Variants in RBFOX1 observed in about 807,000 individuals in gnomAD.
RBFOX1 encodes RNA binding protein fox-1 homolog 1.
RBFOX1 carries 8 observed loss-of-function variants against 57.7 expected under a neutral mutation model. That is an observed-to-expected ratio of 0.14 (90% CI 0.08 to 0.25). The LOEUF is 0.25. RBFOX1 is among the 10% of genes least tolerant of loss of function. The pLI is 1.00. For missense variants in RBFOX1, 611 were observed against 548.5 expected, an observed-to-expected ratio of 1.11 and a Z score of -1.14; for synonymous variants, 326 against 222.4, an observed-to-expected ratio of 1.47 and a Z score of -4.15.
chr16:7,566,272 T>C (rs1286008747), intron 5 of RBFOX1, among the ~76,000 whole-genome samples: 2 of 152,144 alleles, frequency 1.3e-5, no homozygotes, highest in African/African-American at 4.8e-5. Context: ...TGATTGCTTT[T>C]TAATTGGTTG....
intron 4 of RBFOX1, among the ~76,000 whole-genome samples, chr16:7,467,002 CAG>C (rs2060642120): frequency 6.6e-6 from 1 of 152,170 alleles, no homozygotes; most frequent in Non-Finnish European, 1.5e-5. Context: ...ACCTGGAAAA[CAG>C]AGGCGAACCA....
chr16:6,908,527 C>G (rs910071372), intron 3 of RBFOX1, among the ~76,000 whole-genome samples: 2 of 152,202 alleles, frequency 1.3e-5, no homozygotes, highest in Non-Finnish European at 2.9e-5. Flanking sequence ...ACTCACTTAT[C>G]AGGTTCACCT....
chr16:6,572,125 A>G (rs1030199648), intron 2 of RBFOX1, among the ~76,000 whole-genome samples: 2 of 152,226 alleles, frequency 1.3e-5, no homozygotes, highest in African/African-American at 4.8e-5. Flanking sequence ...GTATTAGAAC[A>G]TAATCTCATT....
chr16:6,534,537 C>T (rs1259775169), intron 2 of RBFOX1, among the ~76,000 whole-genome samples: 1 of 152,152 alleles, frequency 6.6e-6, no homozygotes, highest in Non-Finnish European at 1.5e-5. Context: ...AAAGGACATC[C>T]TGTTCACAGC....
intron 4 of RBFOX1, among the ~76,000 whole-genome samples, chr16:7,378,740 T>C (rs544427003): frequency 1.3e-4 from 20 of 152,354 alleles, no homozygotes; most frequent in African/African-American, 4.8e-4. Context: ...TTCTGCTGCT[T>C]TTCTCAATGG....
chr16:7,322,788 C>T (rs2096562581), intron 4 of RBFOX1, among the ~76,000 whole-genome samples: 1 of 152,170 alleles, frequency 6.6e-6, no homozygotes, highest in African/African-American at 2.4e-5. Flanking sequence ...GCCTCAGCTT[C>T]ACAAAAAAAG....
intron 4 of RBFOX1, among the ~76,000 whole-genome samples, chr16:7,217,951 TG>T (rs2092365368): frequency 2.6e-5 from 4 of 151,784 alleles, no homozygotes; most frequent in East Asian, 1.9e-4. Context: ...TGTGTGTGTG[TG>T]CACATGTGTA....
chr16:7,579,809 G>T lies in RBFOX1; in HGVS notation c.303G>T (p.Gln101His). The change falls in exon 6 of 16, where the codon CAG becomes CAT. Residue 101 changes from glutamine (Q) to histidine (H), a missense_variant. Around this residue, in one of 3 missense-constraint regions of RBFOX1, gnomAD observed 245 missense variants for 159.1 expected, o/e 1.54. Coordinates refer to ENST00000550418, the MANE Select transcript of RBFOX1 (RefSeq NM_018723.4). The stretch of plus-strand genomic sequence containing the variant: ...ATGACGCAGCACCGACGGATGGCCA[G>T]CCCCAGACACAACCTTCTGAAAACA... ...QTDDAAPTDG[Q>H]PQTQPSENTE... 1 of 1,614,102 alleles carries T rather than the reference G, an allele frequency of 6.2e-7. No homozygotes were observed. Among genetic ancestry groups the T allele is most frequent in the Non-Finnish European group, 8.5e-7 (1 of 1,179,986 alleles).
At chr16:7,628,945 T>C (rs902836003) in intron 10 of RBFOX1, among the ~76,000 whole-genome samples, 2 of 152,130 alleles carry the variant, frequency 1.3e-5, no homozygotes, top group Admixed American at 6.5e-5. Context: ...AAGAAAGAAC[T>C]ATTAGTTTAG....
chr16:6,512,906 C>G (rs575446037), intron 2 of RBFOX1, among the ~76,000 whole-genome samples: 10 of 152,286 alleles, frequency 6.6e-5, no homozygotes, highest in African/African-American at 2.4e-4. Flanking sequence ...GAGAGAATGT[C>G]AACTCTGCAT....
At chr16:7,309,491 C>G (rs1275949039) in intron 4 of RBFOX1, among the ~76,000 whole-genome samples, 2 of 152,232 alleles carry the variant, frequency 1.3e-5, no homozygotes, top group African/African-American at 4.8e-5. Flanking sequence ...TGTGTTATAA[C>G]ATGCAACTGG....
chr16:7,705,699 A>T (rs528680018), intron 14 of RBFOX1, among the ~76,000 whole-genome samples: 2 of 152,148 alleles, frequency 1.3e-5, no homozygotes, highest in Non-Finnish European at 2.9e-5. Flanking sequence ...AGATGGACAG[A>T]CTTGAGAGAT....
At chr16:6,556,491 T>C (rs2097099931) in intron 2 of RBFOX1, among the ~76,000 whole-genome samples, 1 of 152,204 alleles carries the variant, frequency 6.6e-6, no homozygotes, top group African/African-American at 2.4e-5. Context: ...GTCTCATTTG[T>C]TCCCAGGAAG....
chr16:5,651,279 C>G (rs937287676), intron 3 of RBFOX1, among the ~76,000 whole-genome samples: 11 of 152,096 alleles, frequency 7.2e-5, no homozygotes, highest in African/African-American at 2.6e-4. Flanking sequence ...TCTGGAACTC[C>G]TGGCCTCACG....
intron 2 of RBFOX1, among the ~76,000 whole-genome samples, chr16:6,453,359 G>A (rs566552096): frequency 8.5e-4 from 129 of 152,160 alleles, no homozygotes; most frequent in African/African-American, 2.9e-3. Flanking sequence ...GAAAACATGC[G>A]GTGTTTGGTT....
At chr16:6,374,309 T>G (rs568691654) in intron 2 of RBFOX1, among the ~76,000 whole-genome samples, 2 of 152,318 alleles carry the variant, frequency 1.3e-5, no homozygotes, top group East Asian at 3.9e-4. Context: ...CCACACAATT[T>G]GGGATCATTT....
chr16:5,623,598 A>G (rs114268458), intron 3 of RBFOX1, among the ~76,000 whole-genome samples: 2,883 of 151,826 alleles, frequency 0.019, 91 homozygotes, highest in African/African-American at 0.065. Context: ...CCTCTGATAA[A>G]TTCTCACCGG....
intron 2 of RBFOX1, among the ~76,000 whole-genome samples, chr16:5,580,105 C>G (rs1176235519): frequency 1.3e-5 from 2 of 152,184 alleles, no homozygotes; most frequent in Non-Finnish European, 1.5e-5. Flanking sequence ...GCATTACCTA[C>G]AACAGCTTGT....
At chr16:5,402,638 C>T (rs1053886827) in intron 1 of RBFOX1, among the ~76,000 whole-genome samples, 7 of 152,178 alleles carry the variant, frequency 4.6e-5, no homozygotes, top group Non-Finnish European at 7.4e-5. Flanking sequence ...GTAATTATTT[C>T]GTCTCCTTGC....
Sources: allele counts gnomAD v4.1 joint callset (sites outside exome capture counted in the v4.1 genomes callset), GRCh38; gene constraint gnomAD v4.1.1; regional missense constraint gnomAD v4.1.1; transcripts MANE v1.5; gene names NCBI Gene and HGNC (gene_info 2026-07-23, HGNC 2026-07-21).